FNDC1: variants seen among roughly 807,000 people sequenced by gnomAD.
FNDC1 encodes the protein fibronectin type III domain containing 1.
A neutral mutation model predicts 168.0 loss-of-function variants in FNDC1; 96 were observed. The observed-to-expected ratio is 0.57, with a 90% CI of 0.48 to 0.68. The LOEUF is 0.68. FNDC1 is among the 30% of genes least tolerant of loss of function. The probability of loss-of-function intolerance (pLI) is 0.00; values close to 1 mark genes in which losing one functional copy is unlikely to be tolerated. For missense variants in FNDC1, 2,587 were observed against 2,482.1 expected, an observed-to-expected ratio of 1.04 and a Z score of -0.90; for synonymous variants, 1,099 against 1,025.9, an observed-to-expected ratio of 1.07 and a Z score of -1.36.
At chr6:159,240,084 T>C (rs1210418855) in intron 14 of FNDC1, 127 bp downstream of exon 14, 2 of 847,654 alleles carry the variant, frequency 2.4e-6, no homozygotes, top group East Asian at 5.7e-5. Flanking sequence ...ACCCGATGCA[T>C]TTTTGGTCCC....
chr6:159,180,229 T>C (rs1781851887), intron 1 of FNDC1, among the ~76,000 whole-genome samples: 1 of 152,132 alleles, frequency 6.6e-6, no homozygotes, highest in Non-Finnish European at 1.5e-5. Context: ...GACACATCAG[T>C]CCAACCTCTG....
At chr6:159,187,817 C>A (rs1479592092) in intron 1 of FNDC1, among the ~76,000 whole-genome samples, 1 of 152,180 alleles carries the variant, frequency 6.6e-6, no homozygotes, top group Non-Finnish European at 1.5e-5. Flanking sequence ...TGTCAACCCT[C>A]TGATGTTTCT....
chr6:159,237,046 A>C (rs1342923539), intron 12 of FNDC1, among the ~76,000 whole-genome samples: 1 of 152,218 alleles, frequency 6.6e-6, no homozygotes, highest in Non-Finnish European at 1.5e-5. Flanking sequence ...GGTTTAGGGA[A>C]ATGTACTAAA....
intron 11 of FNDC1, among the ~76,000 whole-genome samples, chr6:159,235,374 A>T (rs1783228297): frequency 6.6e-6 from 1 of 152,098 alleles, no homozygotes; most frequent in South Asian, 2.1e-4. Flanking sequence ...ATGTAAAGAC[A>T]TAGAACAATG....
chr6:159,269,493 T>TCTATCTAA (rs1554229935), intron 22 of FNDC1, among the ~76,000 whole-genome samples: 20 of 140,522 alleles, frequency 1.4e-4, no homozygotes, highest in African/African-American at 5.5e-4. Context: ...TATCTATCTA[T>TCTATCTAA]CTATCTATCC....
intron 13 of FNDC1, among the ~76,000 whole-genome samples, chr6:159,239,019 A>G (rs1243712075): frequency 3.9e-5 from 6 of 152,220 alleles, no homozygotes; most frequent in African/African-American, 1.4e-4. Context: ...TTGCCAGAAA[A>G]AAGAATATTT....
At chr6:159,238,178 G>A (rs441847) in intron 12 of FNDC1, among the ~76,000 whole-genome samples, 127,387 of 150,862 alleles carry the variant, frequency 0.84, 54,228 homozygotes, top group Non-Finnish European at 0.9. Context: ...GCTCACTGCA[G>A]GCTCTGCCTC....
chr6:159,229,748 A>C (rs1164473271), intron 9 of FNDC1, 67 bp from the exon 10 acceptor site: 2 of 1,428,664 alleles, frequency 1.4e-6, no homozygotes, highest in Middle Eastern at 1.8e-4. Flanking sequence ...CTGCCCATAC[A>C]GTCTGTCTGC....
chr6:159,241,917 C>G (rs1021477267), intron 14 of FNDC1, among the ~76,000 whole-genome samples: 1 of 152,200 alleles, frequency 6.6e-6, no homozygotes, highest in African/African-American at 2.4e-5. Flanking sequence ...CACTCCCACT[C>G]CTTTATTGTT....
intron 22 of FNDC1, among the ~76,000 whole-genome samples, chr6:159,269,169 T>TATGC (rs1323398193): frequency 3.3e-5 from 5 of 151,238 alleles, no homozygotes; most frequent in African/African-American, 1.2e-4. Flanking sequence ...TGTATGTATG[T>TATGC]ATGTATGTAT....
chr6:159,240,313 A>T (rs2115002178), intron 14 of FNDC1, among the ~76,000 whole-genome samples: 1 of 152,332 alleles, frequency 6.6e-6, no homozygotes, highest in South Asian at 2.1e-4. Context: ...AGCATTTCCC[A>T]AAGTGTGTTC....
At chr6:159,252,631 G>A (rs961611898) in intron 17 of FNDC1, among the ~76,000 whole-genome samples, 7 of 152,196 alleles carry the variant, frequency 4.6e-5, no homozygotes, top group African/African-American at 1.7e-4. Flanking sequence ...ACGGACCGCC[G>A]TGAAGTCTGT....
Position 159,233,830 on chromosome 6 carries a change from C to T in FNDC1, c.3318C>T (p.Ser1106=), listed in dbSNP as rs2114992947. 6.5e-7 allele frequency: 1 copy of T among 1,542,640 alleles called. No individual in the cohort carries two copies. The change falls in exon 11 of 23, where the codon TCC becomes TCT. Residue 1106 remains serine, a synonymous_variant. Transcript: ENST00000297267. This position sits in a 1 kb window ranked among gnomAD's most constrained non-coding sequence, Gnocchi z 4.6. ...CGCGCGCCAAGGAGGCAGCTGCGTC[C>T]CTTCCCAAGCACCAGCAGGTGGAGT... ...HAARAKEAAA[S]LPKHQQVESP...
chr6:159,171,551 T>C (rs1781660485), intron 1 of FNDC1, among the ~76,000 whole-genome samples: 1 of 152,152 alleles, frequency 6.6e-6, no homozygotes, highest in African/African-American at 2.4e-5. Context: ...GTAAGGAAAT[T>C]ACCCACGGCC....
At chr6:159,174,117 G>A (rs548912752) in intron 1 of FNDC1, among the ~76,000 whole-genome samples, 1 of 152,334 alleles carries the variant, frequency 6.6e-6, no homozygotes, top group Non-Finnish European at 1.5e-5. Flanking sequence ...AAAAGTAAAG[G>A]AGAGAAAGGA....
At chr6:159,266,320 G>T in intron 21 of FNDC1, 75 bp downstream of exon 21, 1 of 1,493,332 alleles carries the variant, frequency 6.7e-7, no homozygotes, top group South Asian at 1.2e-5. Context: ...TGGCACCACA[G>T]GTGCATCGGA....
chr6:159,210,419 C>G (rs906134159), intron 4 of FNDC1, among the ~76,000 whole-genome samples: 1 of 152,154 alleles, frequency 6.6e-6, no homozygotes, highest in African/African-American at 2.4e-5. Flanking sequence ...TGATTGGGTG[C>G]CTTCAAGGAT....
chr6:159,239,492 T>C, intron 13 of FNDC1, 25 bp from the exon 14 acceptor site: 1 of 1,549,050 alleles, frequency 6.5e-7, no homozygotes, highest in East Asian at 2.3e-5. Context: ...CCTTGTTGCA[T>C]AGCTATTGGT....
chr6:159,267,678 A>G, intron 21 of FNDC1, 126 bp from the exon 22 acceptor site: 1 of 970,258 alleles, frequency 1.0e-6, no homozygotes, highest in South Asian at 1.7e-5. Context: ...GACATGAAAA[A>G]TACAGCACAC....
Sources: gnomAD v4.1 joint callset for allele counts (sites outside exome capture counted in the v4.1 genomes callset) on GRCh38, gnomAD v4.1.1 for gene constraint, Gnocchi (gnomAD v3.1) non-coding constraint, MANE v1.5 for transcripts, NCBI Gene and HGNC (gene_info 2026-07-23, HGNC 2026-07-21) for gene names.